Variants in MTA3 observed in about 807,000 individuals in gnomAD.
MTA3 encodes metastasis associated 1 family member 3.
MTA3 carries 34 observed loss-of-function variants against 83.5 expected under a neutral mutation model. The ratio of observed to expected loss-of-function variants is 0.41; its 90% CI spans 0.31 to 0.54. The LOEUF is 0.54. Among genes scored for constraint, MTA3 ranks in the 20% least tolerant of loss-of-function variants. The pLI, the probability that MTA3 is intolerant of heterozygous loss-of-function variation, is 0.33. For synonymous variants in MTA3, 303 were observed against 252.7 expected (o/e 1.20, Z -1.89); for missense variants, 761 against 726.4 (o/e 1.05, Z -0.55).
intron 9 of MTA3, among the ~76,000 whole-genome samples, chr2:42,685,126 T>C (rs191000334): frequency 5.9e-5 from 9 of 152,318 alleles, no homozygotes. Context: ...GATAACTCTG[T>C]GAACTGTAGG....
At chr2:42,553,892 A>T (rs1249541503) in intron 2 of MTA3, among the ~76,000 whole-genome samples, 1 of 150,298 alleles carries the variant, frequency 6.7e-6, no homozygotes, top group African/African-American at 2.4e-5. Flanking sequence ...AAAAAAGAAA[A>T]AAAAACGAAA....
chr2:42,627,324 T>C (rs1407695152), intron 4 of MTA3, among the ~76,000 whole-genome samples: 1 of 152,174 alleles, frequency 6.6e-6, no homozygotes, highest in Non-Finnish European at 1.5e-5. Context: ...GTGATCCTTC[T>C]GCCTTGGCCT....
intron 6 of MTA3, among the ~76,000 whole-genome samples, chr2:42,648,234 T>C (rs1327491784): frequency 6.6e-6 from 1 of 152,226 alleles, no homozygotes; most frequent in Non-Finnish European, 1.5e-5. Context: ...AAAAACATGG[T>C]CATTGCCATC....
chr2:42,514,684 T>TTTTG (rs1675059088), intron 2 of MTA3, among the ~76,000 whole-genome samples: 1 of 117,216 alleles, frequency 8.5e-6, no homozygotes, highest in African/African-American at 3.5e-5. Flanking sequence ...CCCAGCCCCT[T>TTTTG]TTTTTTTTTT....
chr2:42,571,140 C>T (rs1456346301), intron 2 of MTA3, among the ~76,000 whole-genome samples: 1 of 151,902 alleles, frequency 6.6e-6, no homozygotes, highest in African/African-American at 2.4e-5. Context: ...CCCCTGTAAT[C>T]CCAGCAATTT....
chr2:42,733,617 C>T (rs563167640), intron 16 of MTA3, among the ~76,000 whole-genome samples: 1 of 152,106 alleles, frequency 6.6e-6, no homozygotes, highest in African/African-American at 2.4e-5. Context: ...TTTCATCGAC[C>T]CACTGGTCAT....
upstream of MTA3, among the ~76,000 whole-genome samples, chr2:42,564,122 A>G (rs1343619455): frequency 6.6e-6 from 1 of 152,044 alleles, no homozygotes; most frequent in East Asian, 1.9e-4. Flanking sequence ...TGCCTGGCCA[A>G]CCATTTCTTA....
chr2:42,707,437 C>T (rs192151166), intron 12 of MTA3, among the ~76,000 whole-genome samples: 47 of 152,054 alleles, frequency 3.1e-4, no homozygotes, highest in Non-Finnish European at 5.6e-4. Context: ...TCAGTAGAGA[C>T]GGGGTTTCAC....
chr2:42,664,593 T>C (rs1172075334), intron 8 of MTA3, among the ~76,000 whole-genome samples: 1 of 150,318 alleles, frequency 6.7e-6, no homozygotes, highest in Non-Finnish European at 1.5e-5. Context: ...CCTGCTTCAG[T>C]CTCCTGCCTC....
At chr2:42,585,110 CAG>C (rs1195394380) in intron 3 of MTA3, among the ~76,000 whole-genome samples, 1 of 151,398 alleles carries the variant, frequency 6.6e-6, no homozygotes, top group Non-Finnish European at 1.5e-5. Context: ...TTTTTTGAGA[CAG>C]AGTTTCGCTC....
chr2:42,666,485 T>C (rs1265479642), intron 8 of MTA3, among the ~76,000 whole-genome samples: 1 of 152,170 alleles, frequency 6.6e-6, no homozygotes, highest in Non-Finnish European at 1.5e-5. Context: ...AGCCAGGCTG[T>C]ACCCTTCCTT....
rs527375235 is a variant in MTA3 at position 42,547,448 on chromosome 2, C to T, written c.-140-22989C>T. 7.7e-4 allele frequency among the ~76,000 whole-genome samples: 118 copies of T among 152,364 alleles called. 1 individual carries two copies. The highest frequency in any genetic ancestry group is 2.7e-3 in the African/African-American group (112 of 41,578). On this transcript the variant is annotated intron_variant, in intron 2 of 17. Coordinates refer to the MTA3 transcript ENST00000405592. ...GTTCAAGCGATTCTCGTGCCTCAGC[C>T]TCGTAAGTAGTAGCTGGGATTACAG... is the stretch of plus-strand genomic sequence containing the variant.
chr2:42,671,915 T>C (rs1478565766), intron 8 of MTA3, among the ~76,000 whole-genome samples: 1 of 152,166 alleles, frequency 6.6e-6, no homozygotes, highest in Admixed American at 6.5e-5. Context: ...AAACTTGCTG[T>C]TTGGCTCGAT....
intron 3 of MTA3, among the ~76,000 whole-genome samples, chr2:42,593,023 T>C (rs1681222677): frequency 6.6e-6 from 1 of 151,638 alleles, no homozygotes; most frequent in Non-Finnish European, 1.5e-5. Context: ...TGTGGTGGCA[T>C]GGGCCTGTAA....
intron 16 of MTA3, among the ~76,000 whole-genome samples, chr2:42,729,376 C>T (rs1380312833): frequency 6.6e-6 from 1 of 152,144 alleles, no homozygotes; most frequent in African/African-American, 2.4e-5. Context: ...GCTGGGATTA[C>T]AGGCGTGAGC....
chr2:42,632,072 C>CA (rs1686728626), intron 4 of MTA3, among the ~76,000 whole-genome samples: 1 of 146,152 alleles, frequency 6.8e-6, no homozygotes, highest in African/African-American at 2.5e-5. Context: ...AGGTCTTACT[C>CA]ATTCTTCCCA....
chr2:42,577,999 A>G (rs554708894), intron 2 of MTA3, among the ~76,000 whole-genome samples: 1 of 152,336 alleles, frequency 6.6e-6, no homozygotes, highest in East Asian at 1.9e-4. Flanking sequence ...TGAAATATAG[A>G]AGCACTTTGG....
At position 42,753,537 on chromosome 2, in the gene MTA3, T is replaced by G; in HGVS notation, c.*138T>G. On this transcript the variant is annotated 3_prime_UTR_variant, in exon 17 of 17. Transcript: ENST00000405094. ...TCTGCGTGCATCCATGGAGACGCAATGGGGCGGGGAAGGAACTGTGGGAGT... is the reference window on the plus strand; with the variant it reads ...TCTGCGTGCATCCATGGAGACGCAAGGGGGCGGGGAAGGAACTGTGGGAGT... 2.0e-6 allele frequency: 3 copies of G among 1,489,400 alleles called. No homozygotes were observed. The highest frequency in any genetic ancestry group is 2.7e-6 in the Non-Finnish European group (3 of 1,115,668). The allele number at this position is 1,489,400 out of a possible 1,614,324, so 92.3% of individuals were successfully genotyped here. A position where few individuals can be genotyped will look rare whatever the true frequency, so the allele number is the denominator to read the frequency against.
At chr2:42,536,634 C>G (rs984594514) in intron 2 of MTA3, among the ~76,000 whole-genome samples, 1 of 151,932 alleles carries the variant, frequency 6.6e-6, no homozygotes, top group African/African-American at 2.4e-5. Context: ...CTGAGGCAGG[C>G]GGATCACGAG....
Sources: gnomAD v4.1 joint callset for allele counts (sites outside exome capture counted in the v4.1 genomes callset) on GRCh38, gnomAD v4.1.1 for gene constraint, MANE v1.5 for transcripts, NCBI Gene and HGNC (gene_info 2026-07-23, HGNC 2026-07-21) for gene names.